EIF4B: variants seen among roughly 807,000 people sequenced by gnomAD.
EIF4B encodes the protein eukaryotic translation initiation factor 4B.
EIF4B carries 8 observed loss-of-function variants against 79.3 expected under a neutral mutation model. That is an observed-to-expected ratio of 0.10 (90% CI 0.06 to 0.18). The LOEUF is 0.18. EIF4B is among the 10% of genes least tolerant of loss of function. The pLI is 1.00. For synonymous variants in EIF4B, 238 were observed against 274.7 expected, an observed-to-expected ratio of 0.87 and a Z score of 1.32; for missense variants, 515 against 792.4, an observed-to-expected ratio of 0.65 and a Z score of 4.20.
chr12:53,036,568 C>G (rs921790080), intron 10 of EIF4B, among the ~76,000 whole-genome samples: 1 of 151,822 alleles, frequency 6.6e-6, no homozygotes, highest in African/African-American at 2.4e-5. Flanking sequence ...GCAACCATGC[C>G]TGGCTAAATT....
chr12:53,010,122 A>G (rs751994579), intron 1 of EIF4B, among the ~76,000 whole-genome samples: 2 of 152,218 alleles, frequency 1.3e-5, no homozygotes, highest in Non-Finnish European at 2.9e-5. Flanking sequence ...TTAGCATGGC[A>G]TGCATTGGGC....
Position 53,034,037 on chromosome 12 carries a change from G to T in EIF4B, c.1208+3G>T. On this transcript the variant is annotated splice_donor_region_variant and intron_variant, in intron 9 of 14. Coordinates refer to ENST00000262056, the MANE Select transcript of EIF4B (RefSeq NM_001417.7). The stretch of plus-strand genomic sequence containing the variant: ...CTAGAACGACGGCCTCGGGAGAGGT[G>T]TGTTGTCTTGATGGATATCCCATCT... The T allele has an allele frequency of 6.2e-7, 1 of 1,605,436 alleles. No individual in the cohort carries two copies. Among genetic ancestry groups the T allele is most frequent in the Non-Finnish European group, 8.5e-7 (1 of 1,175,616 alleles).
intron 1 of EIF4B, among the ~76,000 whole-genome samples, chr12:53,011,782 A>G (rs1186105082): frequency 1.3e-5 from 2 of 152,186 alleles, no homozygotes; most frequent in African/African-American, 2.4e-5. Context: ...TTAAACCTGT[A>G]TGGGTATATA....
chr12:53,037,473 C>G lies in EIF4B; in HGVS notation c.1371C>G (p.Cys457Trp). 2 of 1,613,316 alleles carry G rather than the reference C, an allele frequency of 1.2e-6. No individual in the cohort carries two copies. The highest frequency in any genetic ancestry group is 1.7e-6 in the Non-Finnish European group (2 of 1,179,612). ...AAACACTCAATAAGGAGGAAGATTG[C>G]CACTCTCCAACTTCTAAACCTCCCA... ...ENETLNKEEDCHSPTSKPPKP... is the reference protein window; with the variant it reads ...ENETLNKEEDWHSPTSKPPKP... The change falls in exon 11 of 15, where the codon TGC becomes TGG. Residue 457 changes from cysteine (C) to tryptophan (W), a missense_variant. Physicochemically the swap from Cys to Trp is radical, Grantham distance 215 (BLOSUM62 -2). Coordinates refer to ENST00000262056, the MANE Select transcript of EIF4B (RefSeq NM_001417.7).
In EIF4B at chr12:53,006,459, T is replaced by C. The variant is rs140676747; in HGVS notation, c.-25T>C. 4.7e-4 allele frequency: 760 copies of C among 1,613,158 alleles called. 7 individuals carry two copies. In the African/African-American group the frequency reaches 8.9e-3, roughly 19 times the overall value. On this transcript the variant is annotated 5_prime_UTR_variant, in exon 1 of 15. Transcript: ENST00000262056. ...CACGTGATTGCCTCATCCGGGTCTT[T>C]TGCGTTCTCTTTCCCTCTCCCAACA...
rs191006546 is a variant in EIF4B at position 53,009,221 on chromosome 12, A to G, written c.13+2725A>G. Among the ~76,000 whole-genome samples, 888 of 152,142 alleles carry G rather than the reference A, an allele frequency of 5.8e-3. 4 individuals carry two copies. Among genetic ancestry groups the G allele is most frequent in the Middle Eastern group, 0.01 (3 of 292 alleles). ...TCAAATGCGTTTGATACAGGTTAAC[A>G]TTTAAAATGCTTTCAAATTGGGCAG... is the stretch of plus-strand genomic sequence containing the variant. On this transcript the variant is annotated intron_variant, in intron 1 of 14. Coordinates refer to ENST00000262056, the MANE Select transcript of EIF4B (RefSeq NM_001417.7).
chr12:53,037,907 A>G (rs1943565776), intron 11 of EIF4B: 1 of 433,286 alleles, frequency 2.3e-6, no homozygotes, highest in South Asian at 2.9e-5. Context: ...TATTGGCAGT[A>G]TGGTAGGGGG....
At chr12:53,019,433 A>AT (rs1565586158) in intron 3 of EIF4B, among the ~76,000 whole-genome samples, 19 of 32,914 alleles carry the variant, frequency 5.8e-4, no homozygotes, top group Non-Finnish European at 1.3e-3. Flanking sequence ...TTATATATAT[A>AT]TATATTTTTT....
At chr12:53,030,291 G>A (rs959072614) in intron 8 of EIF4B, among the ~76,000 whole-genome samples, 2 of 141,518 alleles carry the variant, frequency 1.4e-5, no homozygotes, top group African/African-American at 5.1e-5. Flanking sequence ...GAGGTAGGAG[G>A]GTCGCTTGAG....
chr12:53,039,034 T>C (rs1344087485), intron 12 of EIF4B: 1 of 477,918 alleles, frequency 2.1e-6, no homozygotes, highest in African/African-American at 2.0e-5. Flanking sequence ...TGGAACTTTT[T>C]AGTGGATTTT....
At chr12:53,026,606 T>G (rs4502058) in intron 6 of EIF4B, among the ~76,000 whole-genome samples, 121,626 of 151,260 alleles carry the variant, frequency 0.8, 50,927 homozygotes, top group Non-Finnish European at 0.93. Flanking sequence ...TTTATTGATT[T>G]ATTTATTTAT....
Position 53,039,649 on chromosome 12 carries a change from C to G in EIF4B, c.1702C>G (p.Gln568Glu). Residue 568 changes from glutamine to glutamate, a missense_variant, in exon 14 of 15, where the codon CAA becomes GAA. Physicochemically the swap from Gln to Glu is conservative, Grantham distance 29. Transcript: ENST00000262056. The stretch of plus-strand genomic sequence containing the variant: ...CTGCAGGAAAGATGGCAAAAAGGAT[C>G]AAGACTCCAGATCTGCACCTGAGCC... ...ESDRKDGKKD[Q>E]DSRSAPEPKK... is the part of the protein sequence containing the mutation. The G allele has an allele frequency of 6.2e-7, 1 of 1,613,792 alleles. No homozygotes were observed. Among genetic ancestry groups the G allele is most frequent in the Non-Finnish European group, 8.5e-7 (1 of 1,179,802 alleles).
At position 53,037,438 on chromosome 12, in the gene EIF4B, C is replaced by T; in HGVS notation, c.1336C>T (p.Leu446=). The change falls in exon 11 of 15, where the codon CTA becomes TTA. Residue 446 remains leucine (L), a synonymous_variant. Coordinates refer to ENST00000262056, the MANE Select transcript of EIF4B (RefSeq NM_001417.7). The part of the protein sequence containing the change: ...NARRRESEKS[L]ENETLNKEED... ...ACGAAGGAGAGAGAGTGAGAAGTCT[C>T]TAGAAAATGAAACACTCAATAAGGA... is the stretch of plus-strand genomic sequence containing the variant. The T allele has an allele frequency of 1.2e-6, 2 of 1,612,644 alleles. No individual in the cohort carries two copies. The highest frequency in any genetic ancestry group is 1.7e-6 in the Non-Finnish European group (2 of 1,179,646).
Position 53,039,596 on chromosome 12 carries a change from C to CT in EIF4B, c.1683-33dup. The CT allele has an allele frequency of 3.1e-6, 5 of 1,611,752 alleles. No homozygotes were observed. The South Asian group carries it at 5.5e-5, about 18-fold the overall frequency. On this transcript the variant is annotated intron_variant, in intron 13 of 14. Transcript: ENST00000262056. ...ATGTTTGTATTAGGCGAGTCCTTTCCTAAAGACATGGTTTTATGCTTACGT... is the reference window on the plus strand; with the variant it reads ...ATGTTTGTATTAGGCGAGTCCTTTCCTTAAAGACATGGTTTTATGCTTACGT...
chr12:53,016,818 G>A (rs1943155977), intron 2 of EIF4B, among the ~76,000 whole-genome samples: 1 of 152,172 alleles, frequency 6.6e-6, no homozygotes, highest in African/African-American at 2.4e-5. Context: ...ATTTAAGAGA[G>A]CTTTGCTAGT....
At chr12:53,026,842 A>G (rs1016595701) in intron 6 of EIF4B, among the ~76,000 whole-genome samples, 57 of 152,130 alleles carry the variant, frequency 3.7e-4, no homozygotes, top group African/African-American at 5.3e-4. Flanking sequence ...AGCTCAGGCA[A>G]TCCACCAACC....
chr12:53,037,397 C>T lies in EIF4B; in HGVS notation c.1307-12C>T, dbSNP rs1242193899. On this transcript the variant is annotated splice_polypyrimidine_tract_variant and intron_variant, in intron 10 of 14. Coordinates refer to ENST00000262056, the MANE Select transcript of EIF4B (RefSeq NM_001417.7). Reference sequence around the variant, plus strand: ...AGCCTGATAATTTGATATTTTCACTCTGGCTTCACAGATGCACGAAGGAGA... The same window carrying T: ...AGCCTGATAATTTGATATTTTCACTTTGGCTTCACAGATGCACGAAGGAGA... 2.5e-6 allele frequency: 4 copies of T among 1,608,780 alleles called. No individual in the cohort carries two copies. The highest frequency in any genetic ancestry group is 3.4e-6 in the Non-Finnish European group (4 of 1,178,242).
At chr12:53,036,936 A>G (rs906285026) in intron 10 of EIF4B, among the ~76,000 whole-genome samples, 2 of 152,292 alleles carry the variant, frequency 1.3e-5, no homozygotes, top group African/African-American at 2.4e-5. Flanking sequence ...TCCGCCCCCA[A>G]CAGCCTCCCA....
At position 53,025,198 on chromosome 12, in the gene EIF4B, A is replaced by G. The variant is rs576565810; in HGVS notation, c.667+2571A>G. On this transcript the variant is annotated intron_variant, in intron 6 of 14. Coordinates refer to ENST00000262056, the MANE Select transcript of EIF4B (RefSeq NM_001417.7). Reference sequence around the variant, plus strand: ...ACTATGTGAGGTGATTAACTTCAGCATTTATGCAAGAGATTCTATTGTTAA... The same window carrying G: ...ACTATGTGAGGTGATTAACTTCAGCGTTTATGCAAGAGATTCTATTGTTAA... The G allele has an allele frequency of 8.8e-6, 4 of 455,780 alleles. No individual in the cohort carries two copies. In the East Asian group the frequency reaches 2.1e-4, roughly 24 times the overall value. The allele number at this position is 455,780 out of a possible 1,614,324, so 28.2% of individuals were successfully genotyped here.
Sources: allele counts gnomAD v4.1 joint callset (sites outside exome capture counted in the v4.1 genomes callset), GRCh38; gene constraint gnomAD v4.1.1; transcripts MANE v1.5; gene names NCBI Gene and HGNC (gene_info 2026-07-23, HGNC 2026-07-21).